Variants in ACACA observed in about 807,000 individuals in gnomAD.
ACACA encodes acetyl-CoA carboxylase 1.
A neutral mutation model predicts 296.1 loss-of-function variants in ACACA; 103 were observed. The observed-to-expected ratio is 0.35, with a 90% CI of 0.30 to 0.41. The LOEUF is 0.41. Ranked by LOEUF, ACACA falls within the 10% of genes least tolerant of loss-of-function variation. The probability of loss-of-function intolerance (pLI) is 1.00; values close to 1 mark genes in which losing one functional copy is unlikely to be tolerated. For synonymous variants in ACACA, 953 were observed against 1,038.6 expected (o/e 0.92, Z 1.58); for missense variants, 1,554 against 2,989.7 (o/e 0.52, Z 11.20).
intron 1 of ACACA, among the ~76,000 whole-genome samples, chr17:37,379,556 T>C (rs2050154054): frequency 6.6e-6 from 1 of 152,234 alleles, no homozygotes; most frequent in Non-Finnish European, 1.5e-5. Flanking sequence ...TTCTGGATAT[T>C]AGCCCTTTGT....
At chr17:37,341,145 C>A (rs989136193) in intron 1 of ACACA, among the ~76,000 whole-genome samples, 5 of 152,096 alleles carry the variant, frequency 3.3e-5, no homozygotes, top group African/African-American at 1.2e-4. Flanking sequence ...GCTGTGAAAA[C>A]TAAGAATATA....
intron 9 of ACACA, among the ~76,000 whole-genome samples, chr17:37,272,924 G>T (rs1253643019): frequency 6.6e-6 from 1 of 151,908 alleles, no homozygotes; most frequent in African/African-American, 2.4e-5. Flanking sequence ...GTTTGCATGT[G>T]GCTTTATCAT....
intron 1 of ACACA, among the ~76,000 whole-genome samples, chr17:37,343,680 C>T (rs1040885579): frequency 6.7e-6 from 1 of 150,230 alleles, no homozygotes; most frequent in African/African-American, 2.5e-5. Context: ...CAGAGAACTG[C>T]TTGAACCTAG....
In ACACA at chr17:37,401,219, GAGTCT is replaced by G. The variant is rs1456908073; in HGVS notation, c.38+5038_38+5042del. 2.1e-5 allele frequency among the ~76,000 whole-genome samples: 3 copies of G among 143,438 alleles called. No homozygotes were observed. In the East Asian group the frequency reaches 6.3e-4, roughly 30 times the overall value. The allele number at this position is 143,438 out of a possible 152,430, so 94.1% of individuals were successfully genotyped here. A position where few individuals can be genotyped will look rare whatever the true frequency, so the allele number is the denominator to read the frequency against. On this transcript the variant is annotated intron_variant, in intron 1 of 55. Transcript: ENST00000616317. ...TTCTTTTTTTTTTTTTTTTGAGACA[GAGTCT>G]TGCTGTTGCCCAGGCTGGAGGGCAA...
At chr17:37,323,991 G>A (rs2047471647) in intron 3 of ACACA, among the ~76,000 whole-genome samples, 1 of 152,212 alleles carries the variant, frequency 6.6e-6, no homozygotes, top group African/African-American at 2.4e-5. Flanking sequence ...AGCACTTTGG[G>A]AGGCCAAGGC....
In ACACA at chr17:37,248,252, C is replaced by G. The variant is rs1441541131; in HGVS notation, c.2164-96G>C. 2.7e-5 allele frequency: 39 copies of G among 1,452,756 alleles called. No individual in the cohort carries two copies. The Admixed American group carries it at 6.7e-4, about 25-fold the overall frequency. 90.0% of individuals were successfully genotyped at this position (1,452,756 alleles called of 1,614,324 possible). A position where few individuals can be genotyped will look rare whatever the true frequency, so the allele number is the denominator to read the frequency against. The stretch of plus-strand genomic sequence containing the variant: ...AAAAATACAGATAAGAAAGATCTGT[C>G]AGGAGGAAGAAAATTCATGGCACTG... On this transcript the variant is annotated intron_variant, in intron 17 of 55. Coordinates refer to ENST00000616317, the MANE Select transcript of ACACA (RefSeq NM_198834.3).
chr17:37,315,922 G>A (rs1004635998), intron 3 of ACACA, among the ~76,000 whole-genome samples: 8 of 152,126 alleles, frequency 5.3e-5, no homozygotes, highest in African/African-American at 1.7e-4. Context: ...GGAGGTTAGA[G>A]AGCAGACTTG....
chr17:37,253,088 C>T (rs2081067138), intron 14 of ACACA, 52 bp from the exon 15 acceptor site: 1 of 1,613,530 alleles, frequency 6.2e-7, no homozygotes, highest in Non-Finnish European at 8.5e-7. Flanking sequence ...TAATGTTTTT[C>T]AATAATTTTA....
intron 3 of ACACA, among the ~76,000 whole-genome samples, chr17:37,329,246 A>G (rs960898727): frequency 7.9e-5 from 12 of 152,224 alleles, no homozygotes; most frequent in Non-Finnish European, 1.3e-4. Flanking sequence ...GAGAAGTCCT[A>G]TCAATCATCA....
At chr17:37,174,014 A>ATT (rs1184132097) in intron 41 of ACACA, among the ~76,000 whole-genome samples, 26 of 14,004 alleles carry the variant, frequency 1.9e-3, no homozygotes, top group East Asian at 8.8e-3. Context: ...ATATATATAT[A>ATT]TATATATTTT....
chr17:37,317,497 C>T (rs1422267273), intron 3 of ACACA, among the ~76,000 whole-genome samples: 7 of 150,894 alleles, frequency 4.6e-5, no homozygotes, highest in African/African-American at 7.3e-5. Context: ...ACCCGGGAGG[C>T]GGAGGCAGTG....
At chr17:37,269,961 G>C (rs1427492606) in intron 10 of ACACA, among the ~76,000 whole-genome samples, 1 of 152,094 alleles carries the variant, frequency 6.6e-6, no homozygotes, top group Non-Finnish European at 1.5e-5. Context: ...AAATATGTGA[G>C]GGTAACTCTG....
intron 32 of ACACA, among the ~76,000 whole-genome samples, chr17:37,206,443 C>T (rs2078504742): frequency 1.3e-5 from 2 of 152,074 alleles, no homozygotes; most frequent in Non-Finnish European, 2.9e-5. Flanking sequence ...ACTATGATTG[C>T]ACCACTATGC....
At chr17:37,262,911 G>C (rs2081580249) in intron 11 of ACACA, among the ~76,000 whole-genome samples, 1 of 151,980 alleles carries the variant, frequency 6.6e-6, no homozygotes, top group Non-Finnish European at 1.5e-5. Context: ...TGTATTTTTA[G>C]TAGAGATAGG....
At chr17:37,216,770 A>C (rs17138899) in intron 29 of ACACA, among the ~76,000 whole-genome samples, 12,151 of 151,944 alleles carry the variant, frequency 0.08, 847 homozygotes, top group East Asian at 0.36. Context: ...AAAAATCAAA[A>C]TAGGTCCTAA....
At position 37,241,820 on chromosome 17, in the gene ACACA, G is replaced by A. The variant is rs1400019058; in HGVS notation, c.3032+133C>T. 1.3e-5 allele frequency: 9 copies of A among 712,602 alleles called. No individual in the cohort carries two copies. The African/African-American group carries it at 1.6e-4, about 13-fold the overall frequency. The allele number at this position is 712,602 out of a possible 1,614,324, so 44.1% of individuals were successfully genotyped here. A position where few individuals can be genotyped will look rare whatever the true frequency, so the allele number is the denominator to read the frequency against. On this transcript the variant is annotated intron_variant, in intron 23 of 55. Transcript: ENST00000616317. ...ATTCTAAGATATTTAGAAAAGACAAGGTACTTTCTAAGATATAAGATGCTT... is the reference window on the plus strand; with the variant it reads ...ATTCTAAGATATTTAGAAAAGACAAAGTACTTTCTAAGATATAAGATGCTT...
At chr17:37,133,434 A>C (rs1277644991) in intron 45 of ACACA, among the ~76,000 whole-genome samples, 1 of 152,186 alleles carries the variant, frequency 6.6e-6, no homozygotes, top group Non-Finnish European at 1.5e-5. Flanking sequence ...CAACCAAGGA[A>C]GCAGAATCTG....
rs1233948559 is a variant in ACACA, at chr17:37,161,868, T to C, written c.5262A>G (p.Ser1754=). 3.7e-6 allele frequency: 6 copies of C among 1,614,196 alleles called. No homozygotes were observed. Among genetic ancestry groups the C allele is most frequent in the South Asian group, 1.1e-5 (1 of 91,086 alleles). ...GTCCGATTCTTGCTCCACTGTTGGCTGATACATAGATGCGTGGAATACCTT... is the reference window on the plus strand; with the variant it reads ...GTCCGATTCTTGCTCCACTGTTGGCCGATACATAGATGCGTGGAATACCTT... ...RAEGIPRIYV[S]ANSGARIGLA... Residue 1754 remains serine (S), a synonymous_variant, in exon 42 of 56, where the codon TCA becomes TCG. Coordinates refer to ENST00000616317, the MANE Select transcript of ACACA (RefSeq NM_198834.3).
At chr17:37,145,642 T>C (rs1281229306) in intron 45 of ACACA, among the ~76,000 whole-genome samples, 1 of 152,236 alleles carries the variant, frequency 6.6e-6, no homozygotes, top group African/African-American at 2.4e-5. Context: ...TCTCTCTCAA[T>C]GAAACTAAGT....
Sources: gnomAD v4.1 joint callset for allele counts (sites outside exome capture counted in the v4.1 genomes callset) on GRCh38, gnomAD v4.1.1 for gene constraint, MANE v1.5 for transcripts, NCBI Gene and HGNC (gene_info 2026-07-23, HGNC 2026-07-21) for gene names.